Variants in BCAS3 observed in about 807,000 individuals in gnomAD.
The protein encoded by BCAS3 is BCAS4/BCAS3 fusion.
BCAS3 carries 53 observed loss-of-function variants against 116.1 expected under a neutral mutation model. The ratio of observed to expected loss-of-function variants is 0.46; its 90% CI spans 0.37 to 0.57. The LOEUF is 0.57. Ranked by LOEUF, BCAS3 falls within the 20% of genes least tolerant of loss-of-function variation. The pLI is 0.00. For synonymous variants in BCAS3, 391 were observed against 408.2 expected (o/e 0.96, Z 0.51); for missense variants, 917 against 1,165.4 (o/e 0.79, Z 3.10).
rs1410763944 is a variant in BCAS3, at chr17:61,327,739, G to A, written c.2426-40588G>A. Among the ~76,000 whole-genome samples the A allele has an allele frequency of 2.0e-5, 3 of 152,124 alleles. No homozygotes were observed. Among genetic ancestry groups the A allele is most frequent in the African/African-American group, 7.2e-5 (3 of 41,422 alleles). ...TGGCCAGGCAGGTCTCGAACTTCTG[G>A]CCTCAAGTGGTCCAGCTGCCTCAGC... On this transcript the variant is annotated intron_variant, in intron 22 of 23. Transcript: ENST00000407086. The surrounding 1 kb of genome is among the most constrained non-coding windows in gnomAD (Gnocchi z 5.9).
At chr17:60,941,983 A>G (rs1006115049) in intron 13 of BCAS3, among the ~76,000 whole-genome samples, 23 of 152,232 alleles carry the variant, frequency 1.5e-4, no homozygotes, top group African/African-American at 5.5e-4. Flanking sequence ...TTGTTTGTCA[A>G]GTGCAGAAAA....
At chr17:61,341,916 G>A (rs1163562421) in intron 22 of BCAS3, among the ~76,000 whole-genome samples, 10 of 152,234 alleles carry the variant, frequency 6.6e-5, no homozygotes, top group Non-Finnish European at 1.3e-4. Context: ...AAGTTCCGAG[G>A]CCACAACTTT....
rs1428961048 is a variant in BCAS3, at chr17:61,122,941, T to C, written c.2425+38377T>C. On this transcript the variant is annotated intron_variant, in intron 22 of 23. Coordinates refer to ENST00000407086, the MANE Select transcript of BCAS3 (RefSeq NM_017679.5). This position sits in a 1 kb window ranked among gnomAD's most constrained non-coding sequence, Gnocchi z 4.6. ...TGAAAGATTCCACATTATGGGTAAG[T>C]CTTTTTTTTTTTTTTTTGAGATGGA... is the stretch of plus-strand genomic sequence containing the variant. Among the ~76,000 whole-genome samples, 7 of 150,786 alleles carry C rather than the reference T, an allele frequency of 4.6e-5. No individual in the cohort carries two copies. Among genetic ancestry groups the C allele is most frequent in the East Asian group, 3.9e-4 (2 of 5,136 alleles).
chr17:61,147,761 C>T (rs1322963832), intron 22 of BCAS3, among the ~76,000 whole-genome samples: 8 of 151,800 alleles, frequency 5.3e-5, no homozygotes, highest in Admixed American at 2.0e-4. Flanking sequence ...CCGAGGTGGG[C>T]GGGTCACCTG....
At chr17:60,843,522 A>T (rs2052182323) in intron 7 of BCAS3, among the ~76,000 whole-genome samples, 2 of 152,086 alleles carry the variant, frequency 1.3e-5, no homozygotes, top group African/African-American at 2.4e-5. Context: ...ACCCGGCCAT[A>T]CTATTTGTTG....
At chr17:61,385,282 C>T (rs927820294) in intron 23 of BCAS3, among the ~76,000 whole-genome samples, 2 of 152,218 alleles carry the variant, frequency 1.3e-5, no homozygotes, top group Non-Finnish European at 2.9e-5. Context: ...CCCTGCTCAA[C>T]CCCACACAAT....
intron 22 of BCAS3, among the ~76,000 whole-genome samples, chr17:61,351,195 C>T (rs773339093): frequency 9.2e-5 from 14 of 152,190 alleles, no homozygotes; most frequent in Non-Finnish European, 1.3e-4. Context: ...TCAGGGTGAG[C>T]TCAGTTTGAT....
At chr17:60,944,065 A>G (rs1465067265) in intron 13 of BCAS3, among the ~76,000 whole-genome samples, 1 of 152,048 alleles carries the variant, frequency 6.6e-6, no homozygotes, top group East Asian at 1.9e-4. Context: ...AGCTGCTCCC[A>G]TAAGAAACTC....
At position 61,265,100 on chromosome 17, in the gene BCAS3, A is replaced by T. The variant is rs1251748395; in HGVS notation, c.2426-103227A>T. On this transcript the variant is annotated intron_variant, in intron 22 of 23. Coordinates refer to ENST00000407086, the MANE Select transcript of BCAS3 (RefSeq NM_017679.5). This position sits in a 1 kb window ranked among gnomAD's most constrained non-coding sequence, Gnocchi z 4.3. ...CTCACCGGGTTAGTTTGACAATTAC[A>T]TGGAGTACTATATATAAGAAAGCAC... Among the ~76,000 whole-genome samples the T allele has an allele frequency of 6.6e-6, 1 of 152,192 alleles. No individual in the cohort carries two copies. Among genetic ancestry groups the T allele is most frequent in the South Asian group, 2.1e-4 (1 of 4,824 alleles).
chr17:60,709,245 G>A lies in BCAS3; in HGVS notation c.241G>A (p.Glu81Lys). The A allele has an allele frequency of 6.3e-7, 1 of 1,581,386 alleles. No individual in the cohort carries two copies. The change falls in exon 5 of 24, where the codon GAA (glutamate) becomes AAA (lysine). Residue 81 changes from glutamate (E) to lysine (K), a missense_variant. By Grantham distance (56) the Glu-to-Lys change is moderately conservative. Coordinates refer to ENST00000407086, the MANE Select transcript of BCAS3 (RefSeq NM_017679.5). ...NDTSRNLEFHEIHSTGNEPPL... is the reference protein window; with the variant it reads ...NDTSRNLEFHKIHSTGNEPPL... ...TACATCAAGAAATCTGGAATTTCAT[G>A]AAATACATAGTACTGGGAATGAACC...
chr17:60,915,836 C>T (rs2058751731), intron 12 of BCAS3, among the ~76,000 whole-genome samples: 1 of 151,900 alleles, frequency 6.6e-6, no homozygotes, highest in Admixed American at 6.6e-5. Context: ...GTGCCCGCCA[C>T]CACACCTAGC....
intron 12 of BCAS3, among the ~76,000 whole-genome samples, chr17:60,921,350 T>TA (rs1485936405): frequency 6.6e-6 from 1 of 152,088 alleles, no homozygotes; most frequent in African/African-American, 2.4e-5. Flanking sequence ...AAGTGGGAGC[T>TA]AAACATTGAC....
intron 7 of BCAS3, among the ~76,000 whole-genome samples, chr17:60,822,651 A>T (rs1259227112): frequency 6.6e-6 from 1 of 152,226 alleles, no homozygotes; most frequent in East Asian, 1.9e-4. Context: ...TAGTCAAAGA[A>T]TATTGTATCA....
At chr17:61,253,319 G>A (rs904755200) in intron 22 of BCAS3, among the ~76,000 whole-genome samples, 7 of 151,552 alleles carry the variant, frequency 4.6e-5, no homozygotes, top group Admixed American at 2.6e-4. Context: ...TTGGGAGGCC[G>A]AGGCAGGCGG....
chr17:60,995,199 C>G lies in BCAS3; in HGVS notation c.1486+4964C>G, dbSNP rs1324214795. The stretch of plus-strand genomic sequence containing the variant: ...ACGGAGTCTTGCTCTGTCTCCCAGG[C>G]TAGAGTGCAGTGGTGCAATCTTGGC... On this transcript the variant is annotated intron_variant, in intron 15 of 23. Transcript: ENST00000407086. This position sits in a 1 kb window ranked among gnomAD's most constrained non-coding sequence, Gnocchi z 4.7. Among the ~76,000 whole-genome samples, 1 of 152,110 alleles carries G rather than the reference C, an allele frequency of 6.6e-6. No homozygotes were observed. Among genetic ancestry groups the G allele is most frequent in the East Asian group, 1.9e-4 (1 of 5,192 alleles).
chr17:61,372,776 C>T (rs75944348), intron 23 of BCAS3, among the ~76,000 whole-genome samples: 4 of 152,082 alleles, frequency 2.6e-5, no homozygotes, highest in African/African-American at 9.7e-5. Context: ...TGTTACCCCC[C>T]TCAAAATAAC....
intron 10 of BCAS3, chr17:60,891,705 G>A (rs557791406): frequency 8.8e-6 from 4 of 455,914 alleles, no homozygotes; most frequent in Non-Finnish European, 1.8e-5. Context: ...TGTTACACAG[G>A]TATATTGTGT....
intron 22 of BCAS3, among the ~76,000 whole-genome samples, chr17:61,092,405 G>A (rs934286959): frequency 2.6e-5 from 4 of 152,018 alleles, no homozygotes; most frequent in East Asian, 3.9e-4. Context: ...TGGAATTGCC[G>A]GATCACAAAG....
At chr17:60,826,522 C>A (rs1161757691) in intron 7 of BCAS3, among the ~76,000 whole-genome samples, 1 of 152,066 alleles carries the variant, frequency 6.6e-6, no homozygotes, top group South Asian at 2.1e-4. Context: ...CACATTCAGA[C>A]CATTGCAGCT....
Sources: gnomAD v4.1 joint callset for allele counts (sites outside exome capture counted in the v4.1 genomes callset) on GRCh38, gnomAD v4.1.1 for gene constraint, Gnocchi (gnomAD v3.1) non-coding constraint, MANE v1.5 for transcripts, NCBI Gene and HGNC (gene_info 2026-07-23, HGNC 2026-07-21) for gene names.